Variants in SHROOM2 observed in about 807,000 individuals in gnomAD.
SHROOM2 encodes the protein shroom family member 2, also known as protein Shroom2.
SHROOM2 carries 33 observed loss-of-function variants against 75.9 expected under a neutral mutation model. That is an observed-to-expected ratio of 0.43 (90% CI 0.33 to 0.58). The LOEUF is 0.58. SHROOM2 is among the 20% of genes least tolerant of loss of function. SHROOM2 has a pLI of 0.04. For missense variants in SHROOM2, 1,434 were observed against 1,461.2 expected (o/e 0.98, Z 0.30); for synonymous variants, 655 against 663.6 (o/e 0.99, Z 0.20).
intron 1 of SHROOM2, among the ~76,000 whole-genome samples, chrX:9,800,550 A>G (rs1200236589): frequency 9.1e-6 from 1 of 109,362 alleles, no homozygotes; most frequent in African/African-American, 3.3e-5. Context: ...CATGTTGGCC[A>G]GGCTGGTCTT....
At chrX:9,933,112 C>G (rs1006975403) in intron 6 of SHROOM2, among the ~76,000 whole-genome samples, 3 of 111,282 alleles carry the variant, frequency 2.7e-5, no homozygotes, top group African/African-American at 9.8e-5. Flanking sequence ...ATAGGTGATA[C>G]ATCTTCCCCT....
intron 1 of SHROOM2, among the ~76,000 whole-genome samples, chrX:9,867,928 T>C (rs763696193): frequency 3.6e-5 from 4 of 111,495 alleles, no homozygotes; most frequent in Non-Finnish European, 5.7e-5. Context: ...AACAGCATCA[T>C]GTTGTCCTTT....
intron 1 of SHROOM2, among the ~76,000 whole-genome samples, chrX:9,804,002 C>G (rs956494329): frequency 1.8e-5 from 2 of 111,712 alleles, no homozygotes; most frequent in Non-Finnish European, 3.8e-5. Context: ...TGGTCACTCA[C>G]AGTGTCTGGC....
chrX:9,938,459 G>A (rs1033122402), intron 7 of SHROOM2, among the ~76,000 whole-genome samples: 1 of 111,218 alleles, frequency 9.0e-6, no homozygotes, highest in African/African-American at 3.3e-5. Flanking sequence ...AGGCTGAGGT[G>A]GGAGGATCAC....
At position 9,932,483 on chromosome X, in the gene SHROOM2, C is replaced by T. The variant is rs1483458557; in HGVS notation, c.3200C>T (p.Pro1067Leu). ...SKRPAPQRPPPPKREPRRYRA... is the reference protein window; with the variant it reads ...SKRPAPQRPPLPKREPRRYRA... ...AGGCCAGCCCCACAGAGGCCACCGC[C>T]ACCCAAGCGCGAGCCCAGGAGATAC... The change falls in exon 6 of 10, where the codon CCA becomes CTA. Residue 1067 changes from proline (P) to leucine (L), a missense_variant. Pro to Leu is a moderately conservative substitution (Grantham distance 98, BLOSUM62 -3). Around this residue, in one of 3 missense-constraint regions of SHROOM2, gnomAD observed 1,340 missense variants for 1,338.3 expected, o/e 1.00. Coordinates refer to ENST00000380913, the MANE Select transcript of SHROOM2 (RefSeq NM_001649.4). The T allele has an allele frequency of 8.3e-7, 1 of 1,207,831 alleles. No individual in the cohort carries two copies. The highest frequency in any genetic ancestry group is 2.2e-5 in the Admixed American group (1 of 45,740).
chrX:9,873,542 A>C, intron 1 of SHROOM2, 110 bp from the exon 2 acceptor site: 1 of 912,328 alleles, frequency 1.1e-6, no homozygotes, highest in Non-Finnish European at 1.6e-6. Context: ...GTCAGCCCCC[A>C]GGGCCCATTC....
chrX:9,847,477 C>T (rs916812057), intron 1 of SHROOM2, among the ~76,000 whole-genome samples: 1 of 111,683 alleles, frequency 9.0e-6, no homozygotes, highest in Non-Finnish European at 1.9e-5. Flanking sequence ...ATTATCAGCT[C>T]CGACGAATGT....
chrX:9,886,454 T>G (rs6640541), intron 2 of SHROOM2, among the ~76,000 whole-genome samples: 25,231 of 111,775 alleles, frequency 0.23, 2,703 homozygotes, highest in African/African-American at 0.4. Context: ...TTGTTGATAA[T>G]TATGGTAAAA....
chrX:9,802,523 G>T (rs374058142), intron 1 of SHROOM2, among the ~76,000 whole-genome samples: 6 of 111,213 alleles, frequency 5.4e-5, no homozygotes, highest in South Asian at 3.9e-4. Context: ...AGGCGAAGTG[G>T]CCCTAACTGT....
At chrX:9,930,295 C>A (rs1165297721) in intron 5 of SHROOM2, among the ~76,000 whole-genome samples, 1 of 111,015 alleles carries the variant, frequency 9.0e-6, no homozygotes, top group Non-Finnish European at 1.9e-5. Flanking sequence ...GCAGGTGGAT[C>A]CCTTGAGTCC....
chrX:9,842,650 C>A (rs759319090), intron 1 of SHROOM2, among the ~76,000 whole-genome samples: 7 of 112,655 alleles, frequency 6.2e-5, no homozygotes, highest in Admixed American at 1.9e-4. Flanking sequence ...CCCTCTTCCT[C>A]TCCCACCACA....
Position 9,894,894 on chromosome X carries a change from C to A in SHROOM2, c.986C>A (p.Thr329Asn), listed in dbSNP as rs149724569. The A allele has an allele frequency of 1.7e-6, 2 of 1,211,305 alleles. No individual in the cohort carries two copies. Among genetic ancestry groups the A allele is most frequent in the African/African-American group, 3.5e-5 (2 of 57,948 alleles). ...CTCCGCAGTGACAGCTTTGCTGCCA[C>A]CAAGAGCCACGAGAAGGCCCAGGGC... is the stretch of plus-strand genomic sequence containing the variant. ...PPLRSDSFAA[T>N]KSHEKAQGPV... is the part of the protein sequence containing the mutation. The change falls in exon 4 of 10, where the codon ACC (threonine) becomes AAC (asparagine). Residue 329 changes from threonine to asparagine, a missense_variant. Around this residue, in one of 3 missense-constraint regions of SHROOM2, gnomAD observed 1,340 missense variants for 1,338.3 expected, o/e 1.00. Coordinates refer to ENST00000380913, the MANE Select transcript of SHROOM2 (RefSeq NM_001649.4).
chrX:9,889,015 A>G (rs1375127149), intron 2 of SHROOM2, among the ~76,000 whole-genome samples: 3 of 112,255 alleles, frequency 2.7e-5, no homozygotes, highest in African/African-American at 9.7e-5. Context: ...CTATAAAGGA[A>G]GATGAAAGAA....
chrX:9,851,731 G>T (rs984199493), intron 1 of SHROOM2, among the ~76,000 whole-genome samples: 1 of 108,137 alleles, frequency 9.2e-6, no homozygotes, highest in Admixed American at 1.0e-4. Context: ...CTCCCAAACT[G>T]CTGGGATTTT....
chrX:9,895,489 G>A lies in SHROOM2; in HGVS notation c.1581G>A (p.Pro527=), dbSNP rs746596663. 5 of 1,207,108 alleles carry A rather than the reference G, an allele frequency of 4.1e-6. No individual in the cohort carries two copies. Among genetic ancestry groups the A allele is most frequent in the East Asian group, 6.0e-5 (2 of 33,567 alleles). Residue 527 remains proline, a synonymous_variant, in exon 4 of 10, where the codon CCG becomes CCA. Transcript: ENST00000380913. ...RHHLPQPEGP[P]DARETGRCYP... ...ACCTACCTCAGCCTGAGGGTCCTCC[G>A]GATGCCCGCGAGACAGGACGGTGTT...
At chrX:9,836,367 C>G (rs1305319260) in intron 1 of SHROOM2, among the ~76,000 whole-genome samples, 1 of 111,138 alleles carries the variant, frequency 9.0e-6, no homozygotes, top group Non-Finnish European at 1.9e-5. Flanking sequence ...CAGATAGGAA[C>G]TGGAGGTTTC....
chrX:9,826,750 A>G (rs1009388909), intron 1 of SHROOM2, among the ~76,000 whole-genome samples: 1 of 112,207 alleles, frequency 8.9e-6, no homozygotes, highest in Non-Finnish European at 1.9e-5. Flanking sequence ...CACTCCGTCC[A>G]GGGCGACAGA....
At chrX:9,878,964 G>A (rs1256815784) in intron 2 of SHROOM2, among the ~76,000 whole-genome samples, 1 of 111,812 alleles carries the variant, frequency 8.9e-6, no homozygotes, top group Non-Finnish European at 1.9e-5. Context: ...TTAAAACAAA[G>A]GAGACCCTGA....
At chrX:9,815,330 G>T (rs928130111) in intron 1 of SHROOM2, among the ~76,000 whole-genome samples, 1 of 109,552 alleles carries the variant, frequency 9.1e-6, no homozygotes, top group African/African-American at 3.3e-5. Flanking sequence ...ACCCACAAAA[G>T]AACTTCATCC....
Sources: allele counts gnomAD v4.1 joint callset (sites outside exome capture counted in the v4.1 genomes callset), GRCh38; gene constraint gnomAD v4.1.1; regional missense constraint gnomAD v4.1.1; transcripts MANE v1.5; gene names NCBI Gene and HGNC (gene_info 2026-07-23, HGNC 2026-07-21).